AP1G1: variants seen among roughly 807,000 people sequenced by gnomAD.
AP1G1 encodes adaptor related protein complex 1 subunit gamma 1.
AP1G1 carries 7 observed loss-of-function variants against 108.3 expected under a neutral mutation model. That is an observed-to-expected ratio of 0.06 (90% CI 0.04 to 0.12). AP1G1 has a LOEUF of 0.12. AP1G1 is among the 10% of genes least tolerant of loss of function. AP1G1 has a pLI of 1.00. For missense variants in AP1G1, 756 were observed against 1,010.7 expected (o/e 0.75, Z 3.42); for synonymous variants, 379 against 353.5 (o/e 1.07, Z -0.81).
Position 71,748,240 on chromosome 16 carries a change from T to TC in AP1G1, c.1625+10dup. The TC allele has an allele frequency of 1.9e-6, 3 of 1,609,030 alleles. No homozygotes were observed. The highest frequency in any genetic ancestry group is 2.5e-6 in the Non-Finnish European group (3 of 1,178,956). On this transcript the variant is annotated intron_variant, in intron 16 of 22. Transcript: ENST00000299980. Reference sequence around the variant, plus strand: ...AACAACCTGTTCACCCTATGTTTCTTCAATACTCACTTTACAGTACAAGTG... The same window carrying TC: ...AACAACCTGTTCACCCTATGTTTCTTCCAATACTCACTTTACAGTACAAGTG...
At chr16:71,794,003 C>T (rs569616604) in intron 1 of AP1G1, among the ~76,000 whole-genome samples, 3 of 152,218 alleles carry the variant, frequency 2.0e-5, no homozygotes, top group Non-Finnish European at 4.4e-5. Flanking sequence ...CAGGCATGAG[C>T]AACCGCACCT....
At chr16:71,734,576 G>T in intron 22 of AP1G1, 33 bp downstream of exon 22, 1 of 1,499,614 alleles carries the variant, frequency 6.7e-7, no homozygotes. Context: ...CTTACACTTC[G>T]GCTCAGATAT....
chr16:71,751,103 C>T (rs1311761103), intron 13 of AP1G1, among the ~76,000 whole-genome samples: 3 of 148,916 alleles, frequency 2.0e-5, no homozygotes, highest in Non-Finnish European at 1.5e-5. Flanking sequence ...TGCAGTGAGC[C>T]GAGTTTGCGC....
intron 11 of AP1G1, among the ~76,000 whole-genome samples, chr16:71,757,294 T>C (rs990604859): frequency 2.0e-5 from 3 of 151,792 alleles, no homozygotes; most frequent in Non-Finnish European, 4.4e-5. Context: ...CTACTAAAAA[T>C]ATAAAAATTA....
Position 71,746,613 on chromosome 16 carries a change from G to A in AP1G1, c.1705C>T (p.Leu569Phe). The A allele has an allele frequency of 6.2e-7, 1 of 1,611,374 alleles. No individual in the cohort carries two copies. The highest frequency in any genetic ancestry group is 1.1e-5 in the South Asian group (1 of 90,602). Residue 569 changes from leucine to phenylalanine, a missense_variant, in exon 17 of 23, where the codon CTT becomes TTT. By Grantham distance (22) the Leu-to-Phe change is conservative. Around this residue, in one of 3 missense-constraint regions of AP1G1, gnomAD observed 357 missense variants for 366.5 expected, o/e 0.97. Coordinates refer to ENST00000299980, the MANE Select transcript of AP1G1 (RefSeq NM_001128.6). ...CTCATGTGGTCATATTTCTTGAAAAGTGCATTATATTCTACTGCCCTCTGC... is the reference window on the plus strand; with the variant it reads ...CTCATGTGGTCATATTTCTTGAAAAATGCATTATATTCTACTGCCCTCTGC... Reference protein sequence around the residue: ...LQQRAVEYNALFKKYDHMRSA... With the variant: ...LQQRAVEYNAFFKKYDHMRSA...
chr16:71,766,777 A>G (rs377496119), intron 6 of AP1G1, among the ~76,000 whole-genome samples: 31 of 152,220 alleles, frequency 2.0e-4, no homozygotes, highest in East Asian at 5.8e-4. Flanking sequence ...CCACTTATAA[A>G]CACAAGAAAA....
chr16:71,777,376 G>A (rs1326132602), intron 2 of AP1G1, among the ~76,000 whole-genome samples: 18 of 152,032 alleles, frequency 1.2e-4, no homozygotes, highest in Admixed American at 1.1e-3. Context: ...GGCCAGCTGG[G>A]GAGCTCAGAT....
intron 12 of AP1G1, 73 bp downstream of exon 12, chr16:71,755,946 C>T: frequency 6.6e-7 from 1 of 1,526,664 alleles, no homozygotes; most frequent in Non-Finnish European, 8.9e-7. Context: ...GCCCAGCCCC[C>T]TCCCCATGTT....
At chr16:71,801,878 C>CGCCACTGCACTCCA (rs529145618) in intron 1 of AP1G1, among the ~76,000 whole-genome samples, 2,230 of 148,718 alleles carry the variant, frequency 0.015, 26 homozygotes, top group Non-Finnish European at 0.023. Flanking sequence ...GCCGAGATTG[C>CGCCACTGCACTCCA]GCCACTGCAC....
Position 71,733,142 on chromosome 16 carries a change from C to T in AP1G1, c.2385G>A (p.Arg795=). The T allele has an allele frequency of 1.2e-6, 2 of 1,614,024 alleles. No individual in the cohort carries two copies. Among genetic ancestry groups the T allele is most frequent in the Non-Finnish European group, 1.7e-6 (2 of 1,179,944 alleles). ...LNPQKQQLRM[R]IKLTYNHKGS... Reference sequence around the variant, plus strand: ...CCTTGTGATTATATGTAAGCTTGATCCGCATTCGCAGCTGTTGCTATAAGA... The same window carrying T: ...CCTTGTGATTATATGTAAGCTTGATTCGCATTCGCAGCTGTTGCTATAAGA... The change falls in exon 23 of 23, where the codon CGG becomes CGA. Residue 795 remains arginine (R), a synonymous_variant. Transcript: ENST00000299980.
At chr16:71,764,184 G>A (rs576736729) in intron 9 of AP1G1, among the ~76,000 whole-genome samples, 166 bp downstream of exon 9, 2 of 152,262 alleles carry the variant, frequency 1.3e-5, no homozygotes, top group East Asian at 1.9e-4. Context: ...TAAGCCTTCA[G>A]TGGGAAGGAA....
intron 2 of AP1G1, among the ~76,000 whole-genome samples, chr16:71,780,715 C>T (rs2031982100): frequency 6.6e-6 from 1 of 152,006 alleles, no homozygotes; most frequent in African/African-American, 2.4e-5. Flanking sequence ...ACTGTTAGTT[C>T]ACAGTTAGTA....
At chr16:71,777,045 G>C (rs926084618) in intron 2 of AP1G1, among the ~76,000 whole-genome samples, 3 of 145,816 alleles carry the variant, frequency 2.1e-5, no homozygotes, top group African/African-American at 7.7e-5. Context: ...GAAGGCGGGA[G>C]GTTGCAGTGA....
At chr16:71,745,701 G>A (rs764425731) in intron 17 of AP1G1, 87 bp from the exon 18 acceptor site, 63 of 1,141,468 alleles carry the variant, frequency 5.5e-5, no homozygotes, top group Non-Finnish European at 7.6e-5. Flanking sequence ...TTGAGCCCAA[G>A]CATGGAGATC....
chr16:71,802,410 G>C (rs575230427), intron 1 of AP1G1, among the ~76,000 whole-genome samples: 134 of 152,082 alleles, frequency 8.8e-4, no homozygotes, highest in Admixed American at 1.5e-3. Flanking sequence ...AAGGCTACTG[G>C]CAAAGACACC....
intron 1 of AP1G1, among the ~76,000 whole-genome samples, chr16:71,799,350 T>C (rs1008414925): frequency 2.0e-5 from 3 of 152,226 alleles, no homozygotes; most frequent in African/African-American, 2.4e-5. Context: ...AGGATATTTA[T>C]TGTAGCACTT....
Position 71,732,966 on chromosome 16 carries a change from G to A in AP1G1, c.*92C>T, listed in dbSNP as rs563023607. ...TTCTCTTCAGCTCCTCATGCCCGTGGTACAGTTGGGGGGGACTTGCCAGCA... is the reference window on the plus strand; with the variant it reads ...TTCTCTTCAGCTCCTCATGCCCGTGATACAGTTGGGGGGGACTTGCCAGCA... On this transcript the variant is annotated 3_prime_UTR_variant, in exon 23 of 23. Coordinates refer to ENST00000299980, the MANE Select transcript of AP1G1 (RefSeq NM_001128.6). 4.6e-5 allele frequency: 45 copies of A among 971,176 alleles called. No individual in the cohort carries two copies. The African/African-American group carries it at 7.1e-4, about 15-fold the overall frequency. The allele number at this position is 971,176 out of a possible 1,614,324, so 60.2% of individuals were successfully genotyped here.
At chr16:71,804,049 A>AT (rs1434903603) in intron 1 of AP1G1, among the ~76,000 whole-genome samples, 51 of 151,430 alleles carry the variant, frequency 3.4e-4, no homozygotes, top group African/African-American at 1.0e-3. Flanking sequence ...TATTTTATTT[A>AT]TTTATTTTTT....
In AP1G1 at chr16:71,729,291, A is replaced by C. The variant is rs1268807028; in HGVS notation, c.*3767T>G. The C allele has an allele frequency of 1.3e-5, 2 of 152,560 alleles. No individual in the cohort carries two copies. The highest frequency in any genetic ancestry group is 1.9e-4 in the East Asian group (1 of 5,200). 9.5% of individuals were successfully genotyped at this position (152,560 alleles called of 1,614,324 possible). A position where few individuals can be genotyped will look rare whatever the true frequency, so the allele number is the denominator to read the frequency against. On this transcript the variant is annotated 3_prime_UTR_variant, in exon 23 of 23. Coordinates refer to ENST00000299980, the MANE Select transcript of AP1G1 (RefSeq NM_001128.6). ...GGGCATAATGAAAATGTAACTTACAACACTAAGAAAGAAAAGGGCCTTTAT... is the reference window on the plus strand; with the variant it reads ...GGGCATAATGAAAATGTAACTTACACCACTAAGAAAGAAAAGGGCCTTTAT...
Sources: allele counts gnomAD v4.1 joint callset (sites outside exome capture counted in the v4.1 genomes callset), GRCh38; gene constraint gnomAD v4.1.1; regional missense constraint gnomAD v4.1.1; transcripts MANE v1.5; gene names NCBI Gene and HGNC (gene_info 2026-07-23, HGNC 2026-07-21).